Variants in SALL1 observed in about 807,000 individuals in gnomAD.
The protein encoded by SALL1 is sal-like protein 1.
In SALL1, 10 loss-of-function variants were observed where a neutral mutation model predicts 73.1. The observed-to-expected ratio is 0.14, with a 90% CI of 0.08 to 0.23. SALL1 has a LOEUF of 0.23. SALL1 is among the 10% of genes least tolerant of loss of function. The pLI is 1.00. For missense variants in SALL1, 1,520 were observed against 1,697.3 expected (o/e 0.90, Z 1.84); for synonymous variants, 688 against 689.8 (o/e 1.00, Z 0.04).
chr16:51,148,349 G>C (rs1430436985), intron 1 of SALL1, among the ~76,000 whole-genome samples: 1 of 152,192 alleles, frequency 6.6e-6, no homozygotes, highest in African/African-American at 2.4e-5. Context: ...GTCTCACTCT[G>C]GGTAGAAGTC....
chr16:51,140,047 G>A lies in SALL1; in HGVS notation c.2175C>T (p.Tyr725=), dbSNP rs1962389504. 6.2e-7 allele frequency: 1 copy of A among 1,614,242 alleles called. No homozygotes were observed. Among genetic ancestry groups the A allele is most frequent in the Non-Finnish European group, 8.5e-7 (1 of 1,180,042 alleles). ...LSCQSALKMH[Y]RTHTGERPFK... Reference sequence around the variant, plus strand: ...AGGGCCTCTCCCCAGTGTGTGTCCTGTAGTGCATTTTCAAGGCGCTCTGGC... The same window carrying A: ...AGGGCCTCTCCCCAGTGTGTGTCCTATAGTGCATTTTCAAGGCGCTCTGGC... The change falls in exon 2 of 3, where the codon TAC becomes TAT. Residue 725 remains tyrosine (Y), a synonymous_variant. Transcript: ENST00000251020. This position sits in a 1 kb window ranked among gnomAD's most constrained non-coding sequence, Gnocchi z 5.7.
At chr16:51,142,169 G>C (rs933923473) in intron 1 of SALL1, 24 bp from the exon 2 acceptor site, 1 of 1,563,320 alleles carries the variant, frequency 6.4e-7, no homozygotes. Context: ...AAAGGTGCAG[G>C]ATTAGAAAAG....
rs1270817273 is a variant in SALL1, at chr16:51,141,640, G to A, written c.582C>T (p.Asn194=). 1.2e-6 allele frequency: 2 copies of A among 1,613,854 alleles called. No individual in the cohort carries two copies. The highest frequency in any genetic ancestry group is 2.2e-5 in the East Asian group (1 of 44,874). ...TLGNFSVINS[N]VIIENLQSTK... ...TGCTCTGGAGGTTCTCGATGATGACGTTGCTGTTGATTACGGAGAAGTTGC... is the reference window on the plus strand; with the variant it reads ...TGCTCTGGAGGTTCTCGATGATGACATTGCTGTTGATTACGGAGAAGTTGC... The change falls in exon 2 of 3, where the codon AAC becomes AAT. Residue 194 remains asparagine, a synonymous_variant. Transcript: ENST00000251020. The surrounding 1 kb of genome is among the most constrained non-coding windows in gnomAD (Gnocchi z 5.4).
intron 1 of SALL1, among the ~76,000 whole-genome samples, chr16:51,147,340 C>CA (rs199519509): frequency 7.5e-4 from 114 of 151,648 alleles, no homozygotes; most frequent in East Asian, 5.6e-3. Context: ...AAGCAAATCA[C>CA]AAAAAAAACA....
chr16:51,151,076 G>T, intron 1 of SALL1, 90 bp downstream of exon 1: 2 of 872,068 alleles, frequency 2.3e-6, no homozygotes, highest in South Asian at 2.5e-5. Flanking sequence ...GAGGTAGGGG[G>T]CGCGGGGGCC....
upstream of SALL1, among the ~76,000 whole-genome samples, chr16:51,151,710 TCTCCCTCTCCC>T (rs1365978275): frequency 6.7e-6 from 1 of 150,202 alleles, no homozygotes; most frequent in Non-Finnish European, 1.5e-5. Flanking sequence ...CCCCCCGCTC[TCTCCCTCTCCC>T]CTCCCTCTTC....
intron 1 of SALL1, among the ~76,000 whole-genome samples, chr16:51,144,074 G>C (rs1021054145): frequency 1.3e-5 from 2 of 152,094 alleles, no homozygotes; most frequent in Non-Finnish European, 2.9e-5. Flanking sequence ...GATGAAATTT[G>C]CTGAAGTTAT....
At position 51,140,033 on chromosome 16, in the gene SALL1, C is replaced by T; in HGVS notation, c.2189G>A (p.Gly730Glu). The T allele has an allele frequency of 6.2e-7, 1 of 1,614,212 alleles. No individual in the cohort carries two copies. The highest frequency in any genetic ancestry group is 8.5e-7 in the Non-Finnish European group (1 of 1,180,046). The stretch of plus-strand genomic sequence containing the variant: ...GATCTTACACTTAAAGGGCCTCTCC[C>T]CAGTGTGTGTCCTGTAGTGCATTTT... ...ALKMHYRTHTGERPFKCKICG... is the reference protein window; with the variant it reads ...ALKMHYRTHTEERPFKCKICG... Residue 730 changes from glycine to glutamate, a missense_variant, in exon 2 of 3, where the codon GGG becomes GAG. Gly to Glu is a moderately conservative substitution (Grantham distance 98). Around this residue, in one of 7 missense-constraint regions of SALL1, gnomAD observed 77 missense variants for 117.2 expected, o/e 0.66. Transcript: ENST00000251020. The surrounding 1 kb of genome is among the most constrained non-coding windows in gnomAD (Gnocchi z 5.7).
intron 1 of SALL1, among the ~76,000 whole-genome samples, chr16:51,147,249 C>T (rs1414412813): frequency 6.6e-6 from 1 of 152,244 alleles, no homozygotes; most frequent in Non-Finnish European, 1.5e-5. Flanking sequence ...TTCACTTTCA[C>T]ACATACTACC....
rs1962370012 is a variant in SALL1 at position 51,139,396 on chromosome 16, G to A, written c.2826C>T (p.Pro942=). The A allele has an allele frequency of 1.9e-6, 3 of 1,614,152 alleles. No homozygotes were observed. In the African/African-American group the frequency reaches 4.0e-5, roughly 22 times the overall value. ...SNSTQEFHKS[P]SIEEKPQRAV... is the part of the protein sequence containing the mutation. Reference sequence around the variant, plus strand: ...CTCTCTGTGGTTTCTCCTCAATGCTGGGTGACTTGTGGAACTCCTGCGTGC... The same window carrying A: ...CTCTCTGTGGTTTCTCCTCAATGCTAGGTGACTTGTGGAACTCCTGCGTGC... The change falls in exon 2 of 3, where the codon CCC becomes CCT. Residue 942 remains proline, a synonymous_variant. Transcript: ENST00000251020.
In SALL1 at chr16:51,140,018, T is replaced by C. The variant is rs1195139692; in HGVS notation, c.2204A>G (p.Lys735Arg). Residue 735 changes from lysine (K) to arginine (R), a missense_variant, in exon 2 of 3, where the codon AAG becomes AGG. Coordinates refer to ENST00000251020, the MANE Select transcript of SALL1 (RefSeq NM_002968.3). The surrounding 1 kb of genome is among the most constrained non-coding windows in gnomAD (Gnocchi z 5.7). ...GAAAGCCCGGCCACAGATCTTACAC[T>C]TAAAGGGCCTCTCCCCAGTGTGTGT... ...YRTHTGERPF[K>R]CKICGRAFTT... is the part of the protein sequence containing the mutation. 1.2e-6 allele frequency: 2 copies of C among 1,614,218 alleles called. No individual in the cohort carries two copies. The highest frequency in any genetic ancestry group is 1.7e-6 in the Non-Finnish European group (2 of 1,180,046).
Position 51,139,807 on chromosome 16 carries a change from G to T in SALL1, c.2415C>A (p.Ser805=), listed in dbSNP as rs1962382530. 6.2e-7 allele frequency: 1 copy of T among 1,614,082 alleles called. No homozygotes were observed. The change falls in exon 2 of 3, where the codon TCC becomes TCA. Residue 805 remains serine, a synonymous_variant. Transcript: ENST00000251020. ...CAAAGGAACCTGTGTCAGACTCCAT[G>T]GACTCAGAGTAGCTGTCGGGGACTG... The part of the protein sequence containing the change: ...NTPVPDSYSE[S]MESDTGSFDE...
rs768286020 is a variant in SALL1, at chr16:51,140,042, G to A, written c.2180C>T (p.Thr727Ile). Reference sequence around the variant, plus strand: ...CTTAAAGGGCCTCTCCCCAGTGTGTGTCCTGTAGTGCATTTTCAAGGCGCT... The same window carrying A: ...CTTAAAGGGCCTCTCCCCAGTGTGTATCCTGTAGTGCATTTTCAAGGCGCT... Reference protein sequence around the residue: ...CQSALKMHYRTHTGERPFKCK... With the variant: ...CQSALKMHYRIHTGERPFKCK... The change falls in exon 2 of 3, where the codon ACA (threonine) becomes ATA (isoleucine). Residue 727 changes from threonine (T) to isoleucine (I), a missense_variant. Physicochemically the swap from Thr to Ile is moderately conservative, Grantham distance 89. Coordinates refer to ENST00000251020, the MANE Select transcript of SALL1 (RefSeq NM_002968.3). This position sits in a 1 kb window ranked among gnomAD's most constrained non-coding sequence, Gnocchi z 5.7. The A allele has an allele frequency of 6.2e-7, 1 of 1,614,228 alleles. No homozygotes were observed.
At chr16:51,143,206 T>C in intron 1 of SALL1, 1 of 221,446 alleles carries the variant, frequency 4.5e-6, no homozygotes, top group Non-Finnish European at 9.6e-6. Flanking sequence ...CTGAACATTT[T>C]ATTATAAAAA....
At position 51,139,754 on chromosome 16, in the gene SALL1, T is replaced by C. The variant is rs762930981; in HGVS notation, c.2468A>G (p.Asn823Ser). 5.0e-6 allele frequency: 8 copies of C among 1,614,138 alleles called. No homozygotes were observed. The highest frequency in any genetic ancestry group is 6.8e-6 in the Non-Finnish European group (8 of 1,180,026). ...FDEKNFDDLD[N>S]FSDENMEDCP... is the part of the protein sequence containing the mutation. ...GTCTTCCATGTTTTCATCAGAGAAG[T>C]TGTCTAGGTCATCAAAATTTTTCTC... is the stretch of plus-strand genomic sequence containing the variant. The change falls in exon 2 of 3, where the codon AAC (asparagine) becomes AGC (serine). Residue 823 changes from asparagine (N) to serine (S), a missense_variant. Asn to Ser is a conservative substitution (Grantham distance 46). Around this residue, in one of 7 missense-constraint regions of SALL1, gnomAD observed 266 missense variants for 275.1 expected, o/e 0.97. Transcript: ENST00000251020.
chr16:51,150,498 G>A lies in SALL1; in HGVS notation c.76+668C>T, dbSNP rs908819339. ...GTTTGCACCGTCTCCGGAACAACTG[G>A]CGGCCAGCAGCACTCTCCACCCCGG... On this transcript the variant is annotated intron_variant, in intron 1 of 2. Coordinates refer to ENST00000251020, the MANE Select transcript of SALL1 (RefSeq NM_002968.3). The A allele has an allele frequency of 4.1e-6, 4 of 985,672 alleles. No individual in the cohort carries two copies. The African/African-American group carries it at 7.0e-5, about 17-fold the overall frequency. 61.1% of individuals were successfully genotyped at this position (985,672 alleles called of 1,614,324 possible).
rs1234049941 is a variant in SALL1, at chr16:51,139,051, T to C, written c.3171A>G (p.Pro1057=). ...HMLTHQMRDL[P]SQLFEPSSNL... Reference sequence around the variant, plus strand: ...TGGAACTGGGCTCAAAGAGCTGGGATGGCAGATCTCGCATCTGATGTGTCA... The same window carrying C: ...TGGAACTGGGCTCAAAGAGCTGGGACGGCAGATCTCGCATCTGATGTGTCA... The change falls in exon 2 of 3, where the codon CCA becomes CCG. Residue 1057 remains proline, a synonymous_variant. Transcript: ENST00000251020. 5.6e-6 allele frequency: 9 copies of C among 1,614,222 alleles called. No individual in the cohort carries two copies. The highest frequency in any genetic ancestry group is 7.6e-6 in the Non-Finnish European group (9 of 1,180,036).
rs1187217256 is a variant in SALL1 at position 51,137,233 on chromosome 16, A to T, written c.3854T>A (p.Leu1285His). 3 of 1,613,872 alleles carry T rather than the reference A, an allele frequency of 1.9e-6. No individual in the cohort carries two copies. The African/African-American group carries it at 4.0e-5, about 22-fold the overall frequency. Residue 1285 changes from leucine to histidine, a missense_variant, in exon 3 of 3, where the codon CTC becomes CAC. Physicochemically the swap from Leu to His is moderately conservative, Grantham distance 99. Coordinates refer to ENST00000251020, the MANE Select transcript of SALL1 (RefSeq NM_002968.3). ...GGGAGCATTGGGCTCTGAGTTCTGG[A>T]GCCTCTCCAGGTTTCCCGTCAGCCC... ...VSGLTGNLERLQNSEPNAPLA... is the reference protein window; with the variant it reads ...VSGLTGNLERHQNSEPNAPLA...
chr16:51,138,895 C>A lies in SALL1; in HGVS notation c.3327G>T (p.Pro1109=). Residue 1109 remains proline, a synonymous_variant, in exon 2 of 3, where the codon CCG becomes CCT. Transcript: ENST00000251020. Reference sequence around the variant, plus strand: ...TGGCAGAGGAAGACAGAGGCCCAGACGGGACGTGACTGGTGGGGGTGTCCT... The same window carrying A: ...TGGCAGAGGAAGACAGAGGCCCAGAAGGGACGTGACTGGTGGGGGTGTCCT... ...DSKDTPTSHV[P]SGPLSSSATS... is the part of the protein sequence containing the mutation. 6.2e-7 allele frequency: 1 copy of A among 1,614,116 alleles called. No individual in the cohort carries two copies. Among genetic ancestry groups the A allele is most frequent in the South Asian group, 1.1e-5 (1 of 91,082 alleles).
Sources: gnomAD v4.1 joint callset for allele counts (sites outside exome capture counted in the v4.1 genomes callset) on GRCh38, gnomAD v4.1.1 for gene constraint, gnomAD v4.1.1 regional missense constraint, Gnocchi (gnomAD v3.1) non-coding constraint, MANE v1.5 for transcripts, NCBI Gene and HGNC (gene_info 2026-07-23, HGNC 2026-07-21) for gene names.